Variants in PPFIA2 observed in about 807,000 individuals in gnomAD.
PPFIA2 encodes liprin-alpha-2.
PPFIA2 carries 46 observed loss-of-function variants against 175.5 expected under a neutral mutation model. That is an observed-to-expected ratio of 0.26 (90% CI 0.21 to 0.34). PPFIA2 has a LOEUF of 0.34. Ranked by LOEUF, PPFIA2 falls within the 10% of genes least tolerant of loss-of-function variation. The pLI, the probability that PPFIA2 is intolerant of heterozygous loss-of-function variation, is 1.00. For missense variants in PPFIA2, 1,179 were observed against 1,506.1 expected (o/e 0.78, Z 3.60); for synonymous variants, 568 against 511.4 (o/e 1.11, Z -1.49).
chr12:81,620,588 T>C (rs2061948452), intron 4 of PPFIA2, among the ~76,000 whole-genome samples: 1 of 152,216 alleles, frequency 6.6e-6, no homozygotes, highest in Non-Finnish European at 1.5e-5. Context: ...TATCTACTAC[T>C]GATTTTAAAC....
chr12:81,479,969 G>A (rs2058004742), intron 4 of PPFIA2, among the ~76,000 whole-genome samples: 1 of 152,070 alleles, frequency 6.6e-6, no homozygotes, highest in African/African-American at 2.4e-5. Context: ...GCTAGGTTGG[G>A]GAAGTTCTCC....
At chr12:81,266,917 C>T in intron 30 of PPFIA2, 35 bp downstream of exon 30, 1 of 1,484,880 alleles carries the variant, frequency 6.7e-7, no homozygotes. Flanking sequence ...TTCTTTTACT[C>T]TCTCAGATCT....
chr12:81,744,114 G>T (rs1209377107), intron 3 of PPFIA2, among the ~76,000 whole-genome samples: 1 of 152,128 alleles, frequency 6.6e-6, no homozygotes, highest in Non-Finnish European at 1.5e-5. Flanking sequence ...AAGTTCAGTG[G>T]TTTTCCAATG....
At chr12:81,711,888 C>T (rs2077979918) in intron 3 of PPFIA2, among the ~76,000 whole-genome samples, 1 of 150,018 alleles carries the variant, frequency 6.7e-6, no homozygotes. Context: ...CAAAGGAAAA[C>T]TCTACTGTAA....
intron 3 of PPFIA2, among the ~76,000 whole-genome samples, chr12:81,739,050 G>A (rs140691944): frequency 1.3e-5 from 2 of 151,984 alleles, no homozygotes; most frequent in East Asian, 3.9e-4. Context: ...TTATACATAT[G>A]ATATAGTCAA....
At chr12:81,451,183 T>C (rs777230711) in intron 5 of PPFIA2, among the ~76,000 whole-genome samples, 69 of 152,102 alleles carry the variant, frequency 4.5e-4, no homozygotes, top group African/African-American at 1.5e-3. Context: ...ATATATATAA[T>C]GTACATTAAT....
At chr12:81,442,561 C>T (rs1022570116) in intron 6 of PPFIA2, among the ~76,000 whole-genome samples, 1 of 151,742 alleles carries the variant, frequency 6.6e-6, no homozygotes, top group East Asian at 1.9e-4. Flanking sequence ...TTGAAAAACA[C>T]AAGTATATTT....
At chr12:81,452,348 A>T (rs1392214791) in intron 5 of PPFIA2, among the ~76,000 whole-genome samples, 1 of 152,212 alleles carries the variant, frequency 6.6e-6, no homozygotes, top group African/African-American at 2.4e-5. Context: ...CCTGTAGACT[A>T]ATGTGGCTGC....
At chr12:81,689,460 T>C (rs2074955007) in intron 3 of PPFIA2, among the ~76,000 whole-genome samples, 1 of 152,032 alleles carries the variant, frequency 6.6e-6, no homozygotes, top group Admixed American at 6.6e-5. Flanking sequence ...CAAATAATAC[T>C]ATTGAATGGA....
chr12:81,633,590 G>A (rs919294520), intron 4 of PPFIA2, among the ~76,000 whole-genome samples: 54 of 152,006 alleles, frequency 3.6e-4, no homozygotes, highest in African/African-American at 1.3e-3. Flanking sequence ...GTCCTTTAAA[G>A]TTAAAGAGGA....
intron 5 of PPFIA2, among the ~76,000 whole-genome samples, chr12:81,449,376 C>T (rs1382284565): frequency 6.6e-6 from 1 of 151,994 alleles, no homozygotes; most frequent in East Asian, 1.9e-4. Flanking sequence ...CTATAATAAA[C>T]CCCCTTTTTG....
intron 8 of PPFIA2, among the ~76,000 whole-genome samples, chr12:81,393,734 A>C (rs992520206): frequency 2.0e-5 from 3 of 152,096 alleles, no homozygotes; most frequent in Non-Finnish European, 4.4e-5. Flanking sequence ...AAGAGTATGA[A>C]TTTGAACTAT....
At chr12:81,658,697 T>A (rs1215192792) in intron 4 of PPFIA2, among the ~76,000 whole-genome samples, 1 of 151,970 alleles carries the variant, frequency 6.6e-6, no homozygotes, top group Admixed American at 6.6e-5. Flanking sequence ...ATATGATATA[T>A]AAAAATATGT....
chr12:81,508,516 C>A (rs1473326466), intron 4 of PPFIA2, among the ~76,000 whole-genome samples: 2 of 72,096 alleles, frequency 2.8e-5, no homozygotes, highest in Non-Finnish European at 2.5e-5. Context: ...AGCAAAATTC[C>A]ACCTCAAAAA....
chr12:81,330,965 T>C (rs1259661212), intron 21 of PPFIA2, among the ~76,000 whole-genome samples: 1 of 152,230 alleles, frequency 6.6e-6, no homozygotes, highest in Non-Finnish European at 1.5e-5. Flanking sequence ...AGAAAGACCC[T>C]TTCACTATGC....
chr12:81,343,131 C>T (rs1473463829), intron 19 of PPFIA2, among the ~76,000 whole-genome samples: 3 of 151,920 alleles, frequency 2.0e-5, no homozygotes, highest in Non-Finnish European at 4.4e-5. Flanking sequence ...GGAAGTGATA[C>T]AACACTTTTC....
At chr12:81,677,865 A>G (rs2072858174) in intron 3 of PPFIA2, among the ~76,000 whole-genome samples, 1 of 151,876 alleles carries the variant, frequency 6.6e-6, no homozygotes, top group Non-Finnish European at 1.5e-5. Context: ...GACAACTACA[A>G]CTCAGCCCTA....
At chr12:81,277,236 C>G (rs1314533622) in intron 28 of PPFIA2, 81 bp downstream of exon 28, 6 of 1,182,136 alleles carry the variant, frequency 5.1e-6, no homozygotes, top group Non-Finnish European at 6.9e-6. Flanking sequence ...CATTGTAACA[C>G]ATATAACATT....
intron 30 of PPFIA2, among the ~76,000 whole-genome samples, chr12:81,264,459 C>T (rs1350515775): frequency 6.6e-6 from 1 of 152,012 alleles, no homozygotes; most frequent in Non-Finnish European, 1.5e-5. Flanking sequence ...TGTTTCTTAT[C>T]TAGGGAAGGA....
Sources: gnomAD v4.1 joint callset for allele counts (sites outside exome capture counted in the v4.1 genomes callset) on GRCh38, gnomAD v4.1.1 for gene constraint, MANE v1.5 for transcripts, NCBI Gene and HGNC (gene_info 2026-07-23, HGNC 2026-07-21) for gene names.